Variants in MARK3 observed in about 807,000 individuals in gnomAD.
MARK3 encodes microtubule affinity regulating kinase 3, also known as MAP/microtubule affinity-regulating kinase 3.
A neutral mutation model predicts 90.1 loss-of-function variants in MARK3; 46 were observed. That is an observed-to-expected ratio of 0.51 (90% CI 0.40 to 0.65). MARK3 has a LOEUF of 0.65. Ranked by LOEUF, MARK3 falls within the 30% of genes least tolerant of loss-of-function variation. MARK3 has a pLI of 0.00. For synonymous variants in MARK3, 321 were observed against 332.6 expected (o/e 0.97, Z 0.38); for missense variants, 818 against 947.2 (o/e 0.86, Z 1.79).
At chr14:103,470,430 A>C (rs999558768) in intron 12 of MARK3, among the ~76,000 whole-genome samples, 9 of 118,266 alleles carry the variant, frequency 7.6e-5, no homozygotes, top group African/African-American at 2.4e-4. Context: ...TAATTCTACT[A>C]TTCCAGGATT....
rs533623268 is a variant in MARK3 at position 103,386,464 on chromosome 14, G to C, written c.51+384G>C. The C allele has an allele frequency of 1.2e-5, 6 of 520,500 alleles. No homozygotes were observed. The East Asian group carries it at 3.0e-4, about 26-fold the overall frequency. 32.2% of individuals were successfully genotyped at this position (520,500 alleles called of 1,614,324 possible). A position where few individuals can be genotyped will look rare whatever the true frequency, so the allele number is the denominator to read the frequency against. On this transcript the variant is annotated intron_variant, in intron 1 of 17. Transcript: ENST00000429436. Reference sequence around the variant, plus strand: ...CTTTTAACTTGGTCAGGCAGTTCTTGAGAGACTGTCACATTAATAACATAT... The same window carrying C: ...CTTTTAACTTGGTCAGGCAGTTCTTCAGAGACTGTCACATTAATAACATAT...
At position 103,414,463 on chromosome 14, in the gene MARK3, C is replaced by T. The variant is rs112190336; in HGVS notation, c.243+9196C>T. Among the ~76,000 whole-genome samples, 206 of 151,972 alleles carry T rather than the reference C, an allele frequency of 1.4e-3. 1 individual carries two copies. Among genetic ancestry groups the T allele is most frequent in the African/African-American group, 4.8e-3 (197 of 41,368 alleles). ...CAGATGATCCGCCCGCCTTGGCCTCCCCAGGTGCTGGGATTACAGGCATGA... is the reference window on the plus strand; with the variant it reads ...CAGATGATCCGCCCGCCTTGGCCTCTCCAGGTGCTGGGATTACAGGCATGA... On this transcript the variant is annotated intron_variant, in intron 2 of 17. Coordinates refer to ENST00000429436, the MANE Select transcript of MARK3 (RefSeq NM_001128918.3).
At chr14:103,434,230 G>T (rs952003410) in intron 3 of MARK3, among the ~76,000 whole-genome samples, 1 of 152,170 alleles carries the variant, frequency 6.6e-6, no homozygotes, top group African/African-American at 2.4e-5. Flanking sequence ...AACTAAAATT[G>T]TATAGCCAAA....
At chr14:103,473,411 AT>A (rs2141722380) in intron 12 of MARK3, among the ~76,000 whole-genome samples, 1 of 152,358 alleles carries the variant, frequency 6.6e-6, no homozygotes, top group South Asian at 2.1e-4. Context: ...AGAATCTCAA[AT>A]CTTAAAAGGT....
intron 6 of MARK3, among the ~76,000 whole-genome samples, chr14:103,460,159 C>T (rs1859827276): frequency 7.7e-6 from 1 of 130,642 alleles, no homozygotes; most frequent in Non-Finnish European, 1.5e-5. Context: ...GATCTCGGCT[C>T]ACTGCAAGCT....
chr14:103,479,106 G>A (rs911294439), intron 13 of MARK3, among the ~76,000 whole-genome samples: 6 of 151,806 alleles, frequency 4.0e-5, no homozygotes, highest in Admixed American at 1.3e-4. Context: ...TTGCAACTTC[G>A]ACCTCCCAGA....
At chr14:103,490,968 G>A (rs192454621) in intron 14 of MARK3, 560 of 1,275,964 alleles carry the variant, frequency 4.4e-4, no homozygotes, top group Non-Finnish European at 4.8e-4. Context: ...AGAAATGTTC[G>A]CTTACGCAGC....
chr14:103,489,594 C>T (rs1016556324), intron 14 of MARK3: 6 of 152,186 alleles, frequency 3.9e-5, no homozygotes, highest in Admixed American at 3.9e-4. Context: ...AGATGGGCCA[C>T]CTGAAGAGCT....
intron 11 of MARK3, chr14:103,467,673 T>TAAAAAAAAAAAAAAAAA (rs1164167633): frequency 1.7e-4 from 1 of 6,000 alleles, no homozygotes; most frequent in Non-Finnish European, 3.8e-4. Context: ...AGACTCTGTC[T>TAAAAAAAAAAAAAAAAA]CAAAAAAAAA....
chr14:103,386,414 C>T (rs755837128), intron 1 of MARK3: 2 of 620,602 alleles, frequency 3.2e-6, no homozygotes, highest in South Asian at 1.5e-5. Flanking sequence ...CTGCAGTGGT[C>T]AGTGCTTATT....
At chr14:103,502,393 GCAA>G (rs2075720063) in intron 17 of MARK3, among the ~76,000 whole-genome samples, 1 of 152,250 alleles carries the variant, frequency 6.6e-6, no homozygotes, top group Admixed American at 6.5e-5. Flanking sequence ...GTACAGCAAA[GCAA>G]TTTTAGACTG....
Position 103,409,792 on chromosome 14 carries a change from G to A in MARK3, c.243+4525G>A, listed in dbSNP as rs1354501964. 1.4e-4 allele frequency among the ~76,000 whole-genome samples: 21 copies of A among 152,168 alleles called. 1 individual carries two copies. Among genetic ancestry groups the A allele is most frequent in the Admixed American group, 1.4e-3 (21 of 15,258 alleles). The stretch of plus-strand genomic sequence containing the variant: ...GACATATTAGTCTAAAGGCAGCATA[G>A]TCTTCCTGGCTATGGTGGTACCATA... On this transcript the variant is annotated intron_variant, in intron 2 of 17. Transcript: ENST00000429436.
At chr14:103,465,172 T>C (rs2093479501) in intron 7 of MARK3, among the ~76,000 whole-genome samples, 1 of 152,202 alleles carries the variant, frequency 6.6e-6, no homozygotes, top group Non-Finnish European at 1.5e-5. Context: ...ATCACCATGT[T>C]GGCCAGGCTG....
At chr14:103,441,250 T>A (rs1271223553) in intron 3 of MARK3, among the ~76,000 whole-genome samples, 6 of 152,172 alleles carry the variant, frequency 3.9e-5, no homozygotes, top group African/African-American at 1.2e-4. Context: ...AGTCTTTTTT[T>A]AATATGCTTT....
At chr14:103,455,440 A>AT (rs1220432131) in intron 5 of MARK3, among the ~76,000 whole-genome samples, 1 of 152,188 alleles carries the variant, frequency 6.6e-6, no homozygotes, top group Non-Finnish European at 1.5e-5. Context: ...AAAGATCATT[A>AT]TGCAGGCTGG....
At chr14:103,434,255 A>G (rs1259904895) in intron 3 of MARK3, among the ~76,000 whole-genome samples, 1 of 152,190 alleles carries the variant, frequency 6.6e-6, no homozygotes, top group African/African-American at 2.4e-5. Context: ...GAGTCTGCCA[A>G]TTTTAACCAA....
rs376631511 is a variant in MARK3 at position 103,491,986 on chromosome 14, G to T, written c.1796G>T (p.Arg599Leu). Reference sequence around the variant, plus strand: ...ACACCATTGTCCCAGACTCGAAGCCGAGGCTCCACTAATCTCTTTAGTAAA... The same window carrying T: ...ACACCATTGTCCCAGACTCGAAGCCTAGGCTCCACTAATCTCTTTAGTAAA... ...EATPLSQTRSRGSTNLFSKLT... is the reference protein window; with the variant it reads ...EATPLSQTRSLGSTNLFSKLT... The change falls in exon 15 of 18, where the codon CGA becomes CTA. Residue 599 changes from arginine (R) to leucine (L), a missense_variant. This residue lies in a region of MARK3 where 560 missense variants were observed against 613.5 expected (regional missense o/e 0.91). Transcript: ENST00000429436. 3 of 1,614,186 alleles carry T rather than the reference G, an allele frequency of 1.9e-6. No individual in the cohort carries two copies. Among genetic ancestry groups the T allele is most frequent in the Middle Eastern group, 3.3e-4 (2 of 6,062 alleles).
intron 16 of MARK3, chr14:103,499,921 G>A: frequency 1.8e-6 from 1 of 548,320 alleles, no homozygotes; most frequent in East Asian, 3.2e-5. Flanking sequence ...TGTGATGTAT[G>A]CAGTGTGCAG....
At chr14:103,432,958 C>G (rs931855384) in intron 3 of MARK3, among the ~76,000 whole-genome samples, 2 of 152,116 alleles carry the variant, frequency 1.3e-5, no homozygotes, top group African/African-American at 4.8e-5. Flanking sequence ...CCACAATAGA[C>G]TATACCACAT....
Sources: gnomAD v4.1 joint callset for allele counts (sites outside exome capture counted in the v4.1 genomes callset) on GRCh38, gnomAD v4.1.1 for gene constraint, gnomAD v4.1.1 regional missense constraint, MANE v1.5 for transcripts, NCBI Gene and HGNC (gene_info 2026-07-23, HGNC 2026-07-21) for gene names.